TG: variants seen among roughly 807,000 people sequenced by gnomAD.
The protein encoded by TG is thyroglobulin.
A neutral mutation model predicts 324.7 loss-of-function variants in TG; 270 were observed. That is an observed-to-expected ratio of 0.83 (90% CI 0.75 to 0.92). The LOEUF (loss-of-function observed/expected upper bound fraction) is 0.92. TG is among the 40% of genes least tolerant of loss of function. TG has a pLI of 0.00. For missense variants in TG, 3,591 were observed against 3,456.4 expected (o/e 1.04, Z -0.98); for synonymous variants, 1,401 against 1,327.0 (o/e 1.06, Z -1.21).
intron 45 of TG, among the ~76,000 whole-genome samples, chr8:133,126,899 G>C (rs1217299141): frequency 6.6e-6 from 1 of 152,118 alleles, no homozygotes; most frequent in Admixed American, 6.5e-5. Context: ...GGAGAAAGAT[G>C]CTGGCTGGGG....
rs191665689 is a variant in TG, at chr8:132,881,759, A to G, written c.639-104A>G. On this transcript the variant is annotated intron_variant, in intron 5 of 47. Transcript: ENST00000220616. ...ACTGTCATGTGATAAGAAAGTAGAC[A>G]TTCCTTTTCACTAGGCGTGGACTTG... The G allele has an allele frequency of 1.7e-4, 134 of 801,198 alleles. 2 individuals are homozygous for G. In the East Asian group the frequency reaches 3.2e-3, roughly 19 times the overall value. The allele number at this position is 801,198 out of a possible 1,614,324, so 49.6% of individuals were successfully genotyped here. A position where few individuals can be genotyped will look rare whatever the true frequency, so the allele number is the denominator to read the frequency against.
At chr8:133,019,212 G>A (rs945511518) in intron 38 of TG, among the ~76,000 whole-genome samples, 2 of 152,320 alleles carry the variant, frequency 1.3e-5, no homozygotes, top group African/African-American at 4.8e-5. Flanking sequence ...AGCACTGTAG[G>A]ACTCTGTACT....
At chr8:132,873,873 G>A (rs1839723511) in intron 5 of TG, among the ~76,000 whole-genome samples, 1 of 152,136 alleles carries the variant, frequency 6.6e-6, no homozygotes, top group African/African-American at 2.4e-5. Context: ...CTCTGCAGAA[G>A]AAAGAGTAGG....
chr8:133,116,947 G>A (rs745868993), intron 45 of TG, among the ~76,000 whole-genome samples: 1 of 152,092 alleles, frequency 6.6e-6, no homozygotes. Context: ...GAACTGCAAT[G>A]TTAGTTATTA....
intron 19 of TG, among the ~76,000 whole-genome samples, chr8:132,912,377 C>T (rs997087404): frequency 3.3e-5 from 5 of 152,250 alleles, no homozygotes; most frequent in African/African-American, 7.2e-5. Context: ...GGTGAGGCAG[C>T]GAGACTGTGA....
chr8:132,994,630 C>T, intron 35 of TG: 2 of 1,219,634 alleles, frequency 1.6e-6, no homozygotes, highest in South Asian at 1.4e-5. Flanking sequence ...TTCATTTATT[C>T]TCCCTTGTTG....
At chr8:132,944,780 T>G (rs1824990070) in intron 26 of TG, among the ~76,000 whole-genome samples, 1 of 152,216 alleles carries the variant, frequency 6.6e-6, no homozygotes, top group South Asian at 2.1e-4. Flanking sequence ...ATGTAATAAG[T>G]CTTTTGCCCC....
At chr8:133,064,203 A>C (rs2131360950) in intron 41 of TG, 1 of 152,328 alleles carries the variant, frequency 6.6e-6, no homozygotes, top group East Asian at 1.9e-4. Flanking sequence ...TGAGTAGAAA[A>C]GATGATCTCC....
intron 35 of TG, among the ~76,000 whole-genome samples, chr8:133,005,930 C>T (rs1243166820): frequency 1.3e-5 from 2 of 152,136 alleles, no homozygotes; most frequent in African/African-American, 2.4e-5. Context: ...GCTTTCCTCT[C>T]GGCTCACCTC....
At chr8:133,072,028 G>A (rs17702000) in intron 41 of TG, among the ~76,000 whole-genome samples, 29,604 of 152,078 alleles carry the variant, frequency 0.19, 3,193 homozygotes, top group Non-Finnish European at 0.24. Context: ...AGCCTGGACC[G>A]TCTGAGGTAG....
chr8:133,067,646 G>T (rs982542224), intron 41 of TG, among the ~76,000 whole-genome samples: 7 of 152,018 alleles, frequency 4.6e-5, no homozygotes, highest in Admixed American at 4.6e-4. Context: ...TGTGGTGGCA[G>T]CTTCCTGTAA....
rs765981571 is a variant in TG, at chr8:133,095,056, C to T, written c.7252C>T (p.Leu2418Phe). 5.6e-6 allele frequency: 9 copies of T among 1,613,644 alleles called. No homozygotes were observed. The Admixed American group carries it at 1.2e-4, about 21-fold the overall frequency. ...RRAVLMGGSA[L>F]SPAAVISHER... ...CTTTCTCTTCCAGGGAGGCTCCGCA[C>T]TCTCCCCGGCCGCCGTCATCAGCCA... The change falls in exon 42 of 48, where the codon CTC becomes TTC. Residue 2418 changes from leucine (L) to phenylalanine (F), a missense_variant. By Grantham distance (22) the Leu-to-Phe change is conservative. Coordinates refer to ENST00000220616, the MANE Select transcript of TG (RefSeq NM_003235.5).
At chr8:132,978,260 C>G (rs1413541870) in intron 34 of TG, among the ~76,000 whole-genome samples, 1 of 152,162 alleles carries the variant, frequency 6.6e-6, no homozygotes, top group Non-Finnish European at 1.5e-5. Flanking sequence ...GTGCCAGTCT[C>G]TTTTAAACAC....
At chr8:133,080,800 C>T (rs943027101) in intron 41 of TG, among the ~76,000 whole-genome samples, 2 of 152,218 alleles carry the variant, frequency 1.3e-5, no homozygotes, top group African/African-American at 2.4e-5. Context: ...CCTTTCTTTC[C>T]TGTGTGGATG....
At chr8:132,943,736 C>A (rs907994466) in intron 26 of TG, among the ~76,000 whole-genome samples, 1 of 152,182 alleles carries the variant, frequency 6.6e-6, no homozygotes, top group Non-Finnish European at 1.5e-5. Flanking sequence ...CCCTGTCTCA[C>A]CCCCAAACTG....
chr8:132,921,364 A>C lies in TG; in HGVS notation c.4528+1839A>C, dbSNP rs554266027. Among the ~76,000 whole-genome samples the C allele has an allele frequency of 2.0e-4, 31 of 152,322 alleles. No homozygotes were observed. The South Asian group carries it at 6.0e-3, about 30-fold the overall frequency. ...TAGAGAGCTGTATTGAATCATTGCC[A>C]TTCTCCCAAACATCTTCCCTGAGCA... On this transcript the variant is annotated intron_variant, in intron 21 of 47. Transcript: ENST00000220616.
chr8:133,116,489 A>T lies in TG; in HGVS notation c.7755-120A>T, dbSNP rs572987047. 4 of 791,984 alleles carry T rather than the reference A, an allele frequency of 5.1e-6. No individual in the cohort carries two copies. In the South Asian group the frequency reaches 5.6e-5, roughly 11 times the overall value. 49.1% of individuals were successfully genotyped at this position (791,984 alleles called of 1,614,324 possible). On this transcript the variant is annotated intron_variant, in intron 44 of 47. Transcript: ENST00000220616. Reference sequence around the variant, plus strand: ...GGGAATGGGAAGAAGGTGTTCTTGTAGGCCTGGCAGGGGTGGGTTGGGGGC... The same window carrying T: ...GGGAATGGGAAGAAGGTGTTCTTGTTGGCCTGGCAGGGGTGGGTTGGGGGC...
In TG at chr8:132,906,791, A is replaced by G. The variant is rs147657212; in HGVS notation, c.3738A>G (p.Gln1246=). ...CAGGCTCTGCCATGCAGCAGTGCCA[A>G]TTGCTGTGCCGCCAGGGCTCCTGGA... The part of the protein sequence containing the change: ...GPTGSAMQQC[Q]LLCRQGSWSV... Residue 1246 remains glutamine, a synonymous_variant, in exon 17 of 48, where the codon CAA becomes CAG. Coordinates refer to ENST00000220616, the MANE Select transcript of TG (RefSeq NM_003235.5). 111 of 1,614,078 alleles carry G rather than the reference A, an allele frequency of 6.9e-5. No homozygotes were observed. The highest frequency in any genetic ancestry group is 8.6e-5 in the Non-Finnish European group (102 of 1,180,052).
Position 132,994,895 on chromosome 8 carries a change from G to A in TG, c.6262+11483G>A, listed in dbSNP as rs1029254047. The A allele has an allele frequency of 1.5e-5, 18 of 1,197,276 alleles. No homozygotes were observed. In the South Asian group the frequency reaches 2.6e-4, roughly 17 times the overall value. 74.2% of individuals were successfully genotyped at this position (1,197,276 alleles called of 1,614,324 possible). ...TGATGGAGTAAGATTGAGGTAATGA[G>A]CTCCCTGTCACTGGAGTATTCAAAT... On this transcript the variant is annotated intron_variant, in intron 35 of 47. Transcript: ENST00000220616.
Sources: allele counts gnomAD v4.1 joint callset (sites outside exome capture counted in the v4.1 genomes callset), GRCh38; gene constraint gnomAD v4.1.1; transcripts MANE v1.5; gene names NCBI Gene and HGNC (gene_info 2026-07-23, HGNC 2026-07-21).